The following MRTFB variants were observed in gnomAD, a reference collection of about 807,000 sequenced individuals.
MRTFB encodes the protein myocardin-related transcription factor B.
In MRTFB, 29 loss-of-function variants were observed where a neutral mutation model predicts 104.2. That is an observed-to-expected ratio of 0.28 (90% confidence interval 0.21 to 0.38). The LOEUF is 0.38. Ranked by LOEUF, MRTFB falls within the 10% of genes least tolerant of loss-of-function variation. The pLI, the probability that MRTFB is intolerant of heterozygous loss-of-function variation, is 1.00. For synonymous variants in MRTFB, 535 were observed against 519.5 expected (o/e 1.03, Z -0.41); for missense variants, 1,270 against 1,341.6 (o/e 0.95, Z 0.83).
intron 3 of MRTFB, among the ~76,000 whole-genome samples, chr16:14,172,548 G>A (rs12102496): frequency 0.056 from 8,551 of 152,108 alleles, 739 homozygotes; most frequent in African/African-American, 0.19. Context: ...TAAATTCCTA[G>A]AGAGAGGGTT....
chr16:14,154,393 AAG>A (rs1201690791), intron 3 of MRTFB, among the ~76,000 whole-genome samples: 1 of 152,230 alleles, frequency 6.6e-6, no homozygotes, highest in East Asian at 1.9e-4. Flanking sequence ...GAAATTAAAA[AAG>A]AAATTTTAAA....
chr16:14,183,369 TAA>T (rs1255261808), intron 3 of MRTFB, among the ~76,000 whole-genome samples: 1 of 152,162 alleles, frequency 6.6e-6, no homozygotes, highest in Non-Finnish European at 1.5e-5. Context: ...GGACAAAAAC[TAA>T]AGAGACTTAA....
intron 9 of MRTFB, among the ~76,000 whole-genome samples, chr16:14,239,170 A>G (rs2042654433): frequency 2.0e-5 from 3 of 148,768 alleles, no homozygotes; most frequent in Admixed American, 1.3e-4. Context: ...TTAAGAATTC[A>G]TGACATGTCA....
In MRTFB at chr16:14,078,534, A is replaced by G. The variant is rs1022698741; in HGVS notation, c.-128-756A>G. On this transcript the variant is annotated intron_variant, in intron 1 of 16. Transcript: ENST00000571589. ...AGCCTTGAACTCCTAGGCTCAATCAATCATCCTACCTCAGCCTCCCGAGCA... is the reference window on the plus strand; with the variant it reads ...AGCCTTGAACTCCTAGGCTCAATCAGTCATCCTACCTCAGCCTCCCGAGCA... 2.0e-5 allele frequency among the ~76,000 whole-genome samples: 3 copies of G among 151,662 alleles called. No individual in the cohort carries two copies. In the South Asian group the frequency reaches 6.3e-4, roughly 32 times the overall value.
chr16:14,100,437 A>C (rs1222463198), intron 2 of MRTFB, among the ~76,000 whole-genome samples: 1 of 152,210 alleles, frequency 6.6e-6, no homozygotes, highest in Non-Finnish European at 1.5e-5. Context: ...TTACATTCCT[A>C]GGATAAACCC....
At chr16:14,155,003 A>G (rs758028446) in intron 3 of MRTFB, among the ~76,000 whole-genome samples, 21 of 152,222 alleles carry the variant, frequency 1.4e-4, no homozygotes, top group Non-Finnish European at 2.5e-4. Context: ...GACCATAAAT[A>G]CTAGGAGGCA....
intron 1 of MRTFB, among the ~76,000 whole-genome samples, chr16:14,077,102 A>T (rs2034109486): frequency 6.6e-6 from 1 of 152,242 alleles, no homozygotes; most frequent in Admixed American, 6.5e-5. Flanking sequence ...TGGTATAAAG[A>T]AGGCTTAAAT....
chr16:14,085,642 A>G (rs146014717), intron 2 of MRTFB, among the ~76,000 whole-genome samples: 2 of 152,206 alleles, frequency 1.3e-5, no homozygotes, highest in African/African-American at 4.8e-5. Context: ...AGCACCTAAT[A>G]TAATACCTGG....
At chr16:14,256,071 C>T (rs1249933005) in intron 15 of MRTFB, among the ~76,000 whole-genome samples, 1 of 149,478 alleles carries the variant, frequency 6.7e-6, no homozygotes, top group African/African-American at 2.5e-5. Context: ...TGAGGCTGTG[C>T]CACTGCACTC....
At chr16:14,166,741 A>G (rs1325869321) in intron 3 of MRTFB, among the ~76,000 whole-genome samples, 4 of 148,326 alleles carry the variant, frequency 2.7e-5, no homozygotes, top group African/African-American at 1.0e-4. Flanking sequence ...GCTCCCACCT[A>G]TAAGTGAAAA....
the MRTFB span, among the ~76,000 whole-genome samples, chr16:14,043,605 A>G: frequency 6.6e-6 from 1 of 152,216 alleles, no homozygotes; most frequent in African/African-American, 2.4e-5. Flanking sequence ...TCTGGCAAAG[A>G]AAGATATAGA....
chr16:14,077,308 T>A (rs1316602361), intron 1 of MRTFB, among the ~76,000 whole-genome samples: 1 of 152,198 alleles, frequency 6.6e-6, no homozygotes, highest in Non-Finnish European at 1.5e-5. Context: ...CAACTTTTCC[T>A]TTTTCCATGT....
rs946624896 is a variant in MRTFB, at chr16:14,263,931, A to G, written c.*2487A>G. 3.3e-5 allele frequency: 5 copies of G among 152,138 alleles called. No homozygotes were observed. Among genetic ancestry groups the G allele is most frequent in the East Asian group, 3.8e-4 (2 of 5,204 alleles). The allele number at this position is 152,138 out of a possible 1,614,324, so 9.4% of individuals were successfully genotyped here. A position where few individuals can be genotyped will look rare whatever the true frequency, so the allele number is the denominator to read the frequency against. ...TGCTGCTCTCCAGGATCTCCACTAC[A>G]TGTTCCAGGTTGGAGTGAGGACGCG... On this transcript the variant is annotated 3_prime_UTR_variant, in exon 17 of 17. Transcript: ENST00000571589.
intron 4 of MRTFB, among the ~76,000 whole-genome samples, chr16:14,211,100 A>G (rs193069397): frequency 4.1e-4 from 63 of 152,352 alleles, no homozygotes; most frequent in Admixed American, 1.0e-3. Context: ...AATCATGGCT[A>G]TGATAAACTG....
At chr16:14,210,830 A>G (rs1310528083) in intron 4 of MRTFB, among the ~76,000 whole-genome samples, 1 of 152,140 alleles carries the variant, frequency 6.6e-6, no homozygotes, top group Non-Finnish European at 1.5e-5. Context: ...TTTCCCTTCT[A>G]TCCCTAGGGT....
rs79628752 is a variant in MRTFB at position 14,076,646 on chromosome 16, A to G, written c.-128-2644A>G. Reference sequence around the variant, plus strand: ...CATATTATTTTGTATATTTGTAGGCATTATCTGTGGGATACATTCCTAGAG... The same window carrying G: ...CATATTATTTTGTATATTTGTAGGCGTTATCTGTGGGATACATTCCTAGAG... On this transcript the variant is annotated intron_variant, in intron 1 of 16. Transcript: ENST00000571589. Among the ~76,000 whole-genome samples the G allele has an allele frequency of 7.7e-3, 1,170 of 152,316 alleles. 15 individuals are homozygous for G. Among genetic ancestry groups the G allele is most frequent in the African/African-American group, 0.027 (1,114 of 41,574 alleles).
At chr16:14,194,765 C>T (rs1384844586) in intron 3 of MRTFB, among the ~76,000 whole-genome samples, 2 of 142,836 alleles carry the variant, frequency 1.4e-5, no homozygotes. Context: ...AATTCTGGCT[C>T]TGCTTCTCAC....
At chr16:14,226,726 G>A (rs981496800) in intron 8 of MRTFB, among the ~76,000 whole-genome samples, 1 of 152,142 alleles carries the variant, frequency 6.6e-6, no homozygotes, top group African/African-American at 2.4e-5. Context: ...TGTAATCCCA[G>A]CTGTTTGGAA....
the MRTFB span, among the ~76,000 whole-genome samples, chr16:14,059,997 ATTTTTTTTTTTT>A: frequency 9.0e-5 from 9 of 99,718 alleles, no homozygotes; most frequent in African/African-American, 3.6e-4. Context: ...GAGACATGTA[ATTTTTTTTTTTT>A]TTTTTTTTTT....
Sources: allele counts gnomAD v4.1 joint callset (sites outside exome capture counted in the v4.1 genomes callset), GRCh38; gene constraint gnomAD v4.1.1; transcripts MANE v1.5; gene names NCBI Gene and HGNC (gene_info 2026-07-23, HGNC 2026-07-21).